The following AGBL1 variants were observed in gnomAD, a reference collection of about 807,000 sequenced individuals.
The protein encoded by AGBL1 is AGBL carboxypeptidase 1.
In AGBL1, 130 loss-of-function variants were observed where a neutral mutation model predicts 118.9. That is an observed-to-expected ratio of 1.09 (90% CI 0.95 to 1.26). The LOEUF (loss-of-function observed/expected upper bound fraction) is 1.26. Ranked by LOEUF, AGBL1 falls within the 50% of genes most tolerant of loss-of-function variation. AGBL1 has a pLI of 0.00. For synonymous variants in AGBL1, 555 were observed against 478.9 expected (o/e 1.16, Z -2.08); for missense variants, 1,584 against 1,298.1 (o/e 1.22, Z -3.38).
At chr15:86,622,963 C>A (rs1596315895) in intron 21 of AGBL1, among the ~76,000 whole-genome samples, 1 of 152,300 alleles carries the variant, frequency 6.6e-6, no homozygotes, top group African/African-American at 2.4e-5. Flanking sequence ...AAGGAGCATG[C>A]AGTGCAGCCT....
intron 22 of AGBL1, among the ~76,000 whole-genome samples, chr15:86,892,374 A>C (rs763906609): frequency 6.6e-6 from 1 of 152,084 alleles, no homozygotes; most frequent in Non-Finnish European, 1.5e-5. Context: ...AGAGTTCATG[A>C]CTTCGATTGG....
intron 22 of AGBL1, among the ~76,000 whole-genome samples, chr15:86,784,603 G>C (rs1200667630): frequency 1.3e-5 from 2 of 152,166 alleles, no homozygotes; most frequent in Non-Finnish European, 2.9e-5. Flanking sequence ...ACTGGGCTTT[G>C]ATTCAGGCTG....
At chr15:86,787,227 G>A (rs1322230489) in intron 22 of AGBL1, among the ~76,000 whole-genome samples, 1 of 151,932 alleles carries the variant, frequency 6.6e-6, no homozygotes, top group Non-Finnish European at 1.5e-5. Context: ...ACCTTCCATA[G>A]TTACCCATTT....
At chr15:86,319,838 C>A (rs1460186778) in intron 17 of AGBL1, among the ~76,000 whole-genome samples, 3 of 137,608 alleles carry the variant, frequency 2.2e-5, no homozygotes, top group Admixed American at 1.6e-4. Context: ...TTCACTGCCA[C>A]CTTCGCCTCC....
At chr15:86,514,434 T>A (rs1294133683) in intron 18 of AGBL1, among the ~76,000 whole-genome samples, 1 of 152,184 alleles carries the variant, frequency 6.6e-6, no homozygotes, top group Non-Finnish European at 1.5e-5. Context: ...GCTTTACCAT[T>A]TATAGCCAAA....
intron 16 of AGBL1, among the ~76,000 whole-genome samples, chr15:86,290,184 G>A (rs1238460258): frequency 6.6e-6 from 1 of 151,894 alleles, no homozygotes; most frequent in African/African-American, 2.4e-5. Context: ...TCTCCCTAAA[G>A]AATTATTTTT....
intron 22 of AGBL1, among the ~76,000 whole-genome samples, chr15:86,756,233 T>C (rs12899177): frequency 2.0e-5 from 3 of 150,854 alleles, no homozygotes; most frequent in African/African-American, 7.4e-5. Flanking sequence ...ATTCCAGTAG[T>C]GCCCCCGCCC....
intron 1 of AGBL1, among the ~76,000 whole-genome samples, chr15:86,103,040 A>G (rs753895597): frequency 1.3e-5 from 2 of 151,958 alleles, no homozygotes; most frequent in Non-Finnish European, 2.9e-5. Context: ...TTTTTTTCCA[A>G]AGACCTGTTT....
At chr15:86,561,948 C>G (rs886107128) in intron 21 of AGBL1, among the ~76,000 whole-genome samples, 4 of 152,028 alleles carry the variant, frequency 2.6e-5, no homozygotes, top group Non-Finnish European at 4.4e-5. Context: ...TGATTTGGCT[C>G]TCTGTTTGTC....
intron 18 of AGBL1, among the ~76,000 whole-genome samples, chr15:86,442,292 C>G (rs544743747): frequency 2.0e-4 from 31 of 152,274 alleles, no homozygotes; most frequent in Admixed American, 1.2e-3. Flanking sequence ...CTCAGGGCTA[C>G]AGTATAATGG....
chr15:86,416,465 C>T (rs1247084683), intron 18 of AGBL1, among the ~76,000 whole-genome samples: 1 of 152,074 alleles, frequency 6.6e-6, no homozygotes, highest in African/African-American at 2.4e-5. Flanking sequence ...CACATTAGTG[C>T]CTGTCATTTG....
chr15:86,174,821 C>G (rs909558448), intron 5 of AGBL1, among the ~76,000 whole-genome samples: 2 of 151,978 alleles, frequency 1.3e-5, no homozygotes, highest in Non-Finnish European at 2.9e-5. Context: ...TATGTTGAAC[C>G]ATCCTTGCAC....
At chr15:86,160,932 A>C (rs576045190) in intron 5 of AGBL1, among the ~76,000 whole-genome samples, 2 of 152,246 alleles carry the variant, frequency 1.3e-5, no homozygotes, top group East Asian at 3.9e-4. Flanking sequence ...ATTCAGGCCA[A>C]ACTTGTGGGG....
intron 21 of AGBL1, among the ~76,000 whole-genome samples, chr15:86,627,258 C>T (rs2084902718): frequency 6.6e-6 from 1 of 152,200 alleles, no homozygotes; most frequent in African/African-American, 2.4e-5. Flanking sequence ...CCTCAGCCTC[C>T]CAAAGTGCTG....
At chr15:86,306,375 C>T (rs887036242) in intron 17 of AGBL1, among the ~76,000 whole-genome samples, 4 of 152,024 alleles carry the variant, frequency 2.6e-5, no homozygotes, top group South Asian at 2.1e-4. Context: ...TCAATTGATT[C>T]GATTTTTAGA....
rs61365024 is a variant in AGBL1, at chr15:86,262,078, CTTTT to C, written c.970-687_970-684del. Among the ~76,000 whole-genome samples, 12 of 52,768 alleles carry C rather than the reference CTTTT, an allele frequency of 2.3e-4. 1 individual carries two copies. Among genetic ancestry groups the C allele is most frequent in the South Asian group, 3.3e-3 (2 of 612 alleles). 34.6% of individuals were successfully genotyped at this position (52,768 alleles called of 152,430 possible). A position where few individuals can be genotyped will look rare whatever the true frequency, so the allele number is the denominator to read the frequency against. ...CACTGCTAGGCCTATGCATAGCTGG[CTTTT>C]TTTTTTTTTTTTGCCATTTAGGTCT... On this transcript the variant is annotated intron_variant, in intron 9 of 22. Coordinates refer to ENST00000614907, the MANE Select transcript of AGBL1 (RefSeq NM_001386094.1).
chr15:86,940,245 G>A (rs185753756), intron 23 of AGBL1, among the ~76,000 whole-genome samples: 90 of 151,724 alleles, frequency 5.9e-4, no homozygotes, highest in African/African-American at 2.1e-3. Flanking sequence ...GGTATGTCTT[G>A]TTTGAAACAC....
intron 18 of AGBL1, among the ~76,000 whole-genome samples, chr15:86,434,208 G>A (rs944602809): frequency 2.0e-5 from 3 of 152,220 alleles, no homozygotes; most frequent in African/African-American, 7.2e-5. Context: ...GGTGAAAGCT[G>A]TTGTCCACAC....
chr15:86,803,467 T>C (rs2078677659), intron 22 of AGBL1, among the ~76,000 whole-genome samples: 1 of 152,184 alleles, frequency 6.6e-6, no homozygotes, highest in African/African-American at 2.4e-5. Flanking sequence ...TATTTCTTTA[T>C]AGCAGTGTGA....
Sources: allele counts gnomAD v4.1 joint callset (sites outside exome capture counted in the v4.1 genomes callset), GRCh38; gene constraint gnomAD v4.1.1; transcripts MANE v1.5; gene names NCBI Gene and HGNC (gene_info 2026-07-23, HGNC 2026-07-21).